Variants in TAFA2 observed in about 807,000 individuals in gnomAD.
The protein encoded by TAFA2 is chemokine-like protein TAFA-2.
In TAFA2, 7 loss-of-function variants were observed where a neutral mutation model predicts 18.8. The ratio of observed to expected loss-of-function variants is 0.37; its 90% CI spans 0.21 to 0.70. The LOEUF (loss-of-function observed/expected upper bound fraction) is 0.70. Among genes scored for constraint, TAFA2 ranks in the 30% least tolerant of loss-of-function variants. TAFA2 has a pLI of 0.53. For missense variants in TAFA2, 122 were observed against 158.1 expected (o/e 0.77, Z 1.23); for synonymous variants, 60 against 54.2 (o/e 1.11, Z -0.47).
intron 1 of TAFA2, among the ~76,000 whole-genome samples, chr12:61,886,048 A>G (rs1328453568): frequency 1.3e-5 from 2 of 152,192 alleles, no homozygotes; most frequent in Non-Finnish European, 2.9e-5. Flanking sequence ...AATAATCCCC[A>G]TAGTTATGTC....
At chr12:61,721,137 A>G (rs1303507479) in intron 4 of TAFA2, among the ~76,000 whole-genome samples, 1 of 152,128 alleles carries the variant, frequency 6.6e-6, no homozygotes, top group Non-Finnish European at 1.5e-5. Context: ...AAAGAGACAC[A>G]CACCTTTAAA....
chr12:62,047,909 C>T lies in TAFA2; in HGVS notation c.-2+143350G>A, dbSNP rs1592304044. 2.6e-5 allele frequency among the ~76,000 whole-genome samples: 4 copies of T among 152,162 alleles called. No individual in the cohort carries two copies. In the East Asian group the frequency reaches 7.7e-4, roughly 29 times the overall value. Reference sequence around the variant, plus strand: ...CTTCACAAGTTCTAGATGTGTAGGTCTTCAAAATATCACAAGAAAAACAAA... The same window carrying T: ...CTTCACAAGTTCTAGATGTGTAGGTTTTCAAAATATCACAAGAAAAACAAA... On this transcript the variant is annotated intron_variant, in intron 1 of 4. Transcript: ENST00000416284.
chr12:61,895,489 A>G (rs1875802803), intron 1 of TAFA2, among the ~76,000 whole-genome samples: 1 of 152,186 alleles, frequency 6.6e-6, no homozygotes, highest in South Asian at 2.1e-4. Context: ...TCTTATGGCT[A>G]AGTTTAAAAA....
intron 1 of TAFA2, among the ~76,000 whole-genome samples, chr12:62,217,652 AG>A (rs1255918475): frequency 1.3e-5 from 2 of 152,172 alleles, no homozygotes; most frequent in African/African-American, 4.8e-5. Flanking sequence ...CCAACTCTGA[AG>A]GGCCATACCT....
chr12:61,941,209 A>C (rs1306740856), intron 1 of TAFA2, among the ~76,000 whole-genome samples: 1 of 152,248 alleles, frequency 6.6e-6, no homozygotes, highest in East Asian at 1.9e-4. Context: ...CAAAACAAAA[A>C]CTTATATTAC....
intron 1 of TAFA2, among the ~76,000 whole-genome samples, chr12:61,939,349 A>T (rs1877901145): frequency 6.6e-6 from 1 of 152,192 alleles, no homozygotes; most frequent in African/African-American, 2.4e-5. Flanking sequence ...TTTGAAATTA[A>T]TGACATTATT....
chr12:61,804,462 A>G (rs188493585), intron 2 of TAFA2, among the ~76,000 whole-genome samples: 27 of 152,146 alleles, frequency 1.8e-4, no homozygotes, highest in Admixed American at 5.2e-4. Flanking sequence ...AAGGCAAAAT[A>G]AGAGTACTTC....
upstream of TAFA2, among the ~76,000 whole-genome samples, chr12:62,193,190 A>G (rs994743114): frequency 6.6e-6 from 1 of 152,212 alleles, no homozygotes; most frequent in Admixed American, 6.5e-5. Context: ...ACCTTAATCT[A>G]GTGATTAGAA....
chr12:62,078,313 A>G (rs1868268224), intron 1 of TAFA2, among the ~76,000 whole-genome samples: 1 of 151,982 alleles, frequency 6.6e-6, no homozygotes. Flanking sequence ...GGACTCTGGT[A>G]TTCCTGATAA....
chr12:62,109,373 G>C (rs978690614), intron 1 of TAFA2, among the ~76,000 whole-genome samples: 4 of 152,122 alleles, frequency 2.6e-5, no homozygotes, highest in African/African-American at 9.7e-5. Flanking sequence ...TGCTGTTTTG[G>C]TTACTGTAGC....
At chr12:61,801,112 A>G (rs1871380407) in intron 2 of TAFA2, among the ~76,000 whole-genome samples, 1 of 152,122 alleles carries the variant, frequency 6.6e-6, no homozygotes, top group African/African-American at 2.4e-5. Flanking sequence ...CTATAAAAGA[A>G]ATGAAAGATG....
At chr12:61,761,046 G>A (rs769462185) in intron 2 of TAFA2, among the ~76,000 whole-genome samples, 2 of 151,906 alleles carry the variant, frequency 1.3e-5, no homozygotes, top group Non-Finnish European at 2.9e-5. Flanking sequence ...CCAAGGTTAT[G>A]GCCCTTATGT....
At chr12:62,236,289 C>A (rs2062837281) in intron 1 of TAFA2, among the ~76,000 whole-genome samples, 1 of 147,010 alleles carries the variant, frequency 6.8e-6, no homozygotes, top group South Asian at 2.1e-4. Context: ...TTTTTTGAGC[C>A]AGTCTCACTC....
At chr12:62,143,203 C>A (rs2062252093) in intron 1 of TAFA2, among the ~76,000 whole-genome samples, 1 of 152,208 alleles carries the variant, frequency 6.6e-6, no homozygotes, top group Admixed American at 6.5e-5. Flanking sequence ...CTTGCACCAG[C>A]CATGGCCAGA....
intron 1 of TAFA2, among the ~76,000 whole-genome samples, chr12:62,235,999 C>A (rs1346407937): frequency 1.3e-5 from 2 of 151,150 alleles, no homozygotes; most frequent in African/African-American, 4.9e-5. Context: ...AAAAAAAAAA[C>A]AAATGAAGGA....
chr12:62,182,000 G>T lies in TAFA2; in HGVS notation c.-2+9259C>A, dbSNP rs556313743. Among the ~76,000 whole-genome samples the T allele has an allele frequency of 9.3e-5, 9 of 97,126 alleles. 1 individual carries two copies. Among genetic ancestry groups the T allele is most frequent in the African/African-American group, 3.7e-4 (9 of 24,480 alleles). The allele number at this position is 97,126 out of a possible 152,430, so 63.7% of individuals were successfully genotyped here. On this transcript the variant is annotated intron_variant, in intron 1 of 4. Coordinates refer to ENST00000416284, the MANE Select transcript of TAFA2 (RefSeq NM_178539.5). ...CTTTTCTCAAGTCCATCCCCCCCCCGCTACACATAGTAGCTACTCAAGTAG... is the reference window on the plus strand; with the variant it reads ...CTTTTCTCAAGTCCATCCCCCCCCCTCTACACATAGTAGCTACTCAAGTAG...
At chr12:62,035,176 A>G (rs1020499633) in intron 1 of TAFA2, among the ~76,000 whole-genome samples, 2 of 152,190 alleles carry the variant, frequency 1.3e-5, no homozygotes, top group Non-Finnish European at 2.9e-5. Context: ...TGTAAGATAC[A>G]TTATCTTACT....
intron 1 of TAFA2, among the ~76,000 whole-genome samples, chr12:62,121,301 T>C (rs1387808860): frequency 6.6e-6 from 1 of 152,118 alleles, no homozygotes. Flanking sequence ...ATCATAAGGC[T>C]TTCAAGTCAG....
chr12:61,802,845 T>C (rs1032307419), intron 2 of TAFA2, among the ~76,000 whole-genome samples: 2 of 152,016 alleles, frequency 1.3e-5, no homozygotes, highest in African/African-American at 2.4e-5. Flanking sequence ...GGAATATCAC[T>C]CTATATTCCA....
Sources: allele counts gnomAD v4.1 joint callset (sites outside exome capture counted in the v4.1 genomes callset), GRCh38; gene constraint gnomAD v4.1.1; transcripts MANE v1.5; gene names NCBI Gene and HGNC (gene_info 2026-07-23, HGNC 2026-07-21).